The following IRX4 variants were observed in gnomAD, a reference collection of about 807,000 sequenced individuals.
IRX4 encodes iroquois homeobox 4, also known as iroquois-class homeodomain protein IRX-4.
In IRX4, 22 loss-of-function variants were observed where a neutral mutation model predicts 32.0. That is an observed-to-expected ratio of 0.69 (90% CI 0.49 to 0.98). The LOEUF is 0.98. Ranked by LOEUF, IRX4 falls within the 50% of genes least tolerant of loss-of-function variation. The pLI is 0.00. For missense variants in IRX4, 840 were observed against 744.2 expected (o/e 1.13, Z -1.50); for synonymous variants, 379 against 351.7 (o/e 1.08, Z -0.87).
chr5:1,885,648 C>A (rs981834171), upstream of IRX4, among the ~76,000 whole-genome samples: 16 of 134,408 alleles, frequency 1.2e-4, no homozygotes, highest in African/African-American at 4.5e-4. Flanking sequence ...CAGGGTCAAT[C>A]CAGCCTGTGG....
In IRX4 at chr5:1,877,518, T is replaced by TGGAGTCAAGAGTGTGCA. The variant is rs1735237913; in HGVS notation, c.*434_*450dup. Reference sequence around the variant, plus strand: ...ATACATCTTAAAAAGCATCATATTATGGAGTCAAGAGTGTGCAAGAGTCAA... The same window carrying TGGAGTCAAGAGTGTGCA: ...ATACATCTTAAAAAGCATCATATTATGGAGTCAAGAGTGTGCAGGAGTCAAGAGTGTGCAAGAGTCAA... On this transcript the variant is annotated 3_prime_UTR_variant, in exon 5 of 5. Transcript: ENST00000231357. 1.2e-5 allele frequency: 2 copies of TGGAGTCAAGAGTGTGCA among 165,058 alleles called. No individual in the cohort carries two copies. Among genetic ancestry groups the TGGAGTCAAGAGTGTGCA allele is most frequent in the Non-Finnish European group, 2.6e-5 (2 of 77,732 alleles). 10.2% of individuals were successfully genotyped at this position (165,058 alleles called of 1,614,324 possible).
chr5:1,881,319 CG>C (rs1250837817), intron 2 of IRX4, among the ~76,000 whole-genome samples: 15 of 91,918 alleles, frequency 1.6e-4, no homozygotes, highest in African/African-American at 5.7e-4. Context: ...AGGCGCAAGG[CG>C]GGGGGAGGAG....
At position 1,877,821 on chromosome 5, in the gene IRX4, T is replaced by G. The variant is rs530997558; in HGVS notation, c.*148A>C. ...GTGGCAGCGCCGGGCTTGTCCATGT[T>G]CCCAGGAGTCCAAGTTCAGAAGCCC... is the stretch of plus-strand genomic sequence containing the variant. On this transcript the variant is annotated 3_prime_UTR_variant, in exon 5 of 5. Transcript: ENST00000231357. 16 of 746,036 alleles carry G rather than the reference T, an allele frequency of 2.1e-5. No homozygotes were observed. The South Asian group carries it at 2.7e-4, about 12-fold the overall frequency. 46.2% of individuals were successfully genotyped at this position (746,036 alleles called of 1,614,324 possible). A position where few individuals can be genotyped will look rare whatever the true frequency, so the allele number is the denominator to read the frequency against.
intron 3 of IRX4, 83 bp from the exon 4 acceptor site, chr5:1,879,915 G>A (rs558047374): frequency 6.3e-7 from 1 of 1,576,350 alleles, no homozygotes; most frequent in African/African-American, 1.3e-5. Flanking sequence ...GTCGGCCAGG[G>A]GCATGCCAGG....
chr5:1,881,970 C>A lies in IRX4; in HGVS notation c.135G>T (p.Ala45=). ...TCTCGTAGACCGGGCAGTAGACCGGCGCCTGGGCCGAGGCGGCGGGCCCGG... is the reference window on the plus strand; with the variant it reads ...TCTCGTAGACCGGGCAGTAGACCGGAGCCTGGGCCGAGGCGGCGGGCCCGG... ...ADSGPAASAQ[A]PVYCPVYESR... Residue 45 remains alanine, a synonymous_variant, in exon 2 of 5, where the codon GCG becomes GCT. Coordinates refer to ENST00000231357, the MANE Select transcript of IRX4 (RefSeq NM_016358.3). 6.4e-7 allele frequency: 1 copy of A among 1,555,754 alleles called. No individual in the cohort carries two copies. Among genetic ancestry groups the A allele is most frequent in the Non-Finnish European group, 8.7e-7 (1 of 1,150,226 alleles).
rs748439816 is a variant in IRX4, at chr5:1,880,712, G to T, written c.407+13C>A. ...CGTGGGGCTAGTGCTGGTTAGGAGG[G>T]GTGGGTCCTCACCTGTCATAGGGGT... On this transcript the variant is annotated intron_variant, in intron 3 of 4. Coordinates refer to ENST00000231357, the MANE Select transcript of IRX4 (RefSeq NM_016358.3). The T allele has an allele frequency of 1.9e-6, 3 of 1,574,374 alleles. No homozygotes were observed. The highest frequency in any genetic ancestry group is 8.7e-7 in the Non-Finnish European group (1 of 1,144,036).
chr5:1,878,995 AT>A (rs546723700), intron 4 of IRX4, among the ~76,000 whole-genome samples: 98 of 145,084 alleles, frequency 6.8e-4, no homozygotes, highest in South Asian at 1.3e-3. Context: ...GGGGTGTCTA[AT>A]TTTTTTTTTT....
chr5:1,886,628 T>G (rs1735639592), upstream of IRX4, among the ~76,000 whole-genome samples: 1 of 151,972 alleles, frequency 6.6e-6, no homozygotes, highest in African/African-American at 2.4e-5. Flanking sequence ...CCCCGCCGCT[T>G]GCTCCCTGGG....
chr5:1,878,026 G>A lies in IRX4; in HGVS notation c.1503C>T (p.Gly501=), dbSNP rs941404712. 1.3e-6 allele frequency: 2 copies of A among 1,507,488 alleles called. No individual in the cohort carries two copies. The highest frequency in any genetic ancestry group is 4.1e-5 in the Admixed American group (2 of 48,208). 93.4% of individuals were successfully genotyped at this position (1,507,488 alleles called of 1,614,324 possible). A position where few individuals can be genotyped will look rare whatever the true frequency, so the allele number is the denominator to read the frequency against. ...PAVPQDAPAA[G]AARELLALPK... ...GCAGGGCGAGCAGCTCCCTGGCGGC[G>A]CCTGCAGCTGGGGCGTCCTGGGGCA... The change falls in exon 5 of 5, where the codon GGC becomes GGT. Residue 501 remains glycine, a synonymous_variant. Transcript: ENST00000231357.
upstream of IRX4, among the ~76,000 whole-genome samples, chr5:1,883,645 C>G (rs1735533665): frequency 6.6e-6 from 1 of 152,356 alleles, no homozygotes; most frequent in African/African-American, 2.4e-5. Flanking sequence ...ACCGGCTTTG[C>G]ACCTCTGGGC....
chr5:1,881,887 T>C lies in IRX4; in HGVS notation c.218A>G (p.Tyr73Cys). The C allele has an allele frequency of 6.3e-7, 1 of 1,585,988 alleles. No homozygotes were observed. Among genetic ancestry groups the C allele is most frequent in the Non-Finnish European group, 8.6e-7 (1 of 1,166,818 alleles). ...ELNSAAALGVYGGPYGGSQGY... is the reference protein window; with the variant it reads ...ELNSAAALGVCGGPYGGSQGY... ...CTGCGATCCGCCATAGGGACCCCCA[T>C]AGACGCCCAGCGCCGCGGCCGAGTT... The change falls in exon 2 of 5, where the codon TAT (tyrosine) becomes TGT (cysteine). Residue 73 changes from tyrosine (Y) to cysteine (C), a missense_variant. By Grantham distance (194) the Tyr-to-Cys change is radical (BLOSUM62 -2). Around this residue, in one of 3 missense-constraint regions of IRX4, gnomAD observed 241 missense variants for 220.8 expected, o/e 1.09. Transcript: ENST00000231357.
chr5:1,887,004 A>C (rs1348844342), upstream of IRX4: 1 of 150,422 alleles, frequency 6.6e-6, no homozygotes, highest in East Asian at 2.0e-4. Context: ...GCCTCCTCGG[A>C]AGGGGGGAGG....
At chr5:1,881,296 G>A (rs1430306136) in intron 2 of IRX4, among the ~76,000 whole-genome samples, 2 of 130,500 alleles carry the variant, frequency 1.5e-5, no homozygotes, top group Non-Finnish European at 3.2e-5. Flanking sequence ...GAGAAGGGAG[G>A]AGAGAAATGG....
chr5:1,885,774 TC>T (rs1306448801), upstream of IRX4, among the ~76,000 whole-genome samples: 2 of 152,222 alleles, frequency 1.3e-5, no homozygotes, highest in Non-Finnish European at 2.9e-5. Context: ...TGGAATATTT[TC>T]CAAGTGCCTT....
Position 1,878,329 on chromosome 5 carries a change from G to A in IRX4, c.1200C>T (p.Pro400=), listed in dbSNP as rs1735282852. ...CGGAGGACACAGCCGCAGGGGCCGC[G>A]GGACCTTGGCGCTTGAGCATGCACG... The part of the protein sequence containing the change: ...FPSCMLKRQG[P]AAPAAVSSAP... The change falls in exon 5 of 5, where the codon CCC becomes CCT. Residue 400 remains proline (P), a synonymous_variant. Coordinates refer to ENST00000231357, the MANE Select transcript of IRX4 (RefSeq NM_016358.3). The A allele has an allele frequency of 6.4e-7, 1 of 1,555,822 alleles. No homozygotes were observed. Among genetic ancestry groups the A allele is most frequent in the African/African-American group, 1.4e-5 (1 of 73,658 alleles).
At chr5:1,882,494 G>T in intron 1 of IRX4, 109 bp downstream of exon 1, 2 of 978,624 alleles carry the variant, frequency 2.0e-6, no homozygotes, top group Non-Finnish European at 3.1e-6. Flanking sequence ...GGCCTTGCTA[G>T]CTCGGAAGCC....
At chr5:1,882,086 C>T (rs1346365177) in intron 1 of IRX4, 27 bp from the exon 2 acceptor site, 14 of 1,540,082 alleles carry the variant, frequency 9.1e-6, no homozygotes, top group East Asian at 2.4e-5. Context: ...CGAGGACTGG[C>T]GGGAAGCCGG....
chr5:1,882,565 C>T (rs913412857), intron 1 of IRX4, 38 bp downstream of exon 1: 3 of 1,496,748 alleles, frequency 2.0e-6, no homozygotes, highest in African/African-American at 1.5e-5. Context: ...GCCCTACCGG[C>T]ACCTGCGGTG....
At chr5:1,880,679 A>G in intron 3 of IRX4, 46 bp downstream of exon 3, 4 of 1,309,074 alleles carry the variant, frequency 3.1e-6, no homozygotes, top group Non-Finnish European at 4.4e-6. Flanking sequence ...CTGACAGTGC[A>G]GAGGGCCCGT....
Sources: allele counts gnomAD v4.1 joint callset (sites outside exome capture counted in the v4.1 genomes callset), GRCh38; gene constraint gnomAD v4.1.1; regional missense constraint gnomAD v4.1.1; transcripts MANE v1.5; gene names NCBI Gene and HGNC (gene_info 2026-07-23, HGNC 2026-07-21).